DOK6: variants seen among roughly 807,000 people sequenced by gnomAD.
DOK6 encodes the protein downstream of tyrosine kinase 6.
In DOK6, 22 loss-of-function variants were observed where a neutral mutation model predicts 44.0. That is an observed-to-expected ratio of 0.50 (90% confidence interval 0.36 to 0.71). The LOEUF (loss-of-function observed/expected upper bound fraction) is 0.71. Among genes scored for constraint, DOK6 ranks in the 30% least tolerant of loss-of-function variants. DOK6 has a pLI of 0.00. For synonymous variants in DOK6, 166 were observed against 145.5 expected, an observed-to-expected ratio of 1.14 and a Z score of -1.01; for missense variants, 340 against 416.4, an observed-to-expected ratio of 0.82 and a Z score of 1.60.
At chr18:69,823,447 C>T (rs1219742064) in intron 7 of DOK6, among the ~76,000 whole-genome samples, 1 of 152,038 alleles carries the variant, frequency 6.6e-6, no homozygotes, top group African/African-American at 2.4e-5. Context: ...GGCGAGCATT[C>T]CTAGTAAAGA....
At chr18:69,452,075 A>C (rs1275121152) in intron 1 of DOK6, among the ~76,000 whole-genome samples, 1 of 151,804 alleles carries the variant, frequency 6.6e-6, no homozygotes, top group Admixed American at 6.6e-5. Flanking sequence ...AGCAGAACTG[A>C]AGGAAATAGA....
chr18:69,433,290 C>T (rs1204534617), intron 1 of DOK6, among the ~76,000 whole-genome samples: 2 of 152,028 alleles, frequency 1.3e-5, no homozygotes, highest in African/African-American at 2.4e-5. Context: ...CAATTTTCTT[C>T]CTGAATTTTT....
At chr18:69,476,280 G>A (rs746127450) in intron 1 of DOK6, among the ~76,000 whole-genome samples, 6 of 152,092 alleles carry the variant, frequency 3.9e-5, no homozygotes, top group Non-Finnish European at 7.4e-5. Flanking sequence ...TTTGTTTTCT[G>A]GGTATACAGA....
intron 3 of DOK6, among the ~76,000 whole-genome samples, chr18:69,629,379 G>A (rs982669535): frequency 5.3e-5 from 8 of 151,984 alleles, no homozygotes; most frequent in Admixed American, 4.6e-4. Context: ...ATACTCAATG[G>A]CCATGAATTA....
chr18:69,551,033 G>A (rs1322498395), intron 1 of DOK6, among the ~76,000 whole-genome samples: 2 of 151,492 alleles, frequency 1.3e-5, no homozygotes, highest in African/African-American at 4.8e-5. Context: ...TTTACAGGAA[G>A]TAACATTTAC....
Position 69,456,433 on chromosome 18 carries a change from G to C in DOK6, c.66+55123G>C, listed in dbSNP as rs545030597. 1.8e-4 allele frequency among the ~76,000 whole-genome samples: 28 copies of C among 152,156 alleles called. No homozygotes were observed. The South Asian group carries it at 3.9e-3, about 21-fold the overall frequency. Reference sequence around the variant, plus strand: ...TCCTGTGCCTCCATTAATTCTCTTAGGATAATGGCCTCCAGTTGCATCCAT... The same window carrying C: ...TCCTGTGCCTCCATTAATTCTCTTACGATAATGGCCTCCAGTTGCATCCAT... On this transcript the variant is annotated intron_variant, in intron 1 of 7. Coordinates refer to ENST00000382713, the MANE Select transcript of DOK6 (RefSeq NM_152721.6).
chr18:69,638,002 C>T (rs1371066413), intron 3 of DOK6, among the ~76,000 whole-genome samples: 1 of 152,104 alleles, frequency 6.6e-6, no homozygotes, highest in Non-Finnish European at 1.5e-5. Context: ...GCGTCGTACT[C>T]TAGGCCCACT....
In DOK6 at chr18:69,822,958, T is replaced by C. The variant is rs142742894; in HGVS notation, c.857-18286T>C. On this transcript the variant is annotated intron_variant, in intron 7 of 7. Transcript: ENST00000382713. ...TTATAGTATTTTTACATTTTTATTT[T>C]ATAAAGGATTGTCATTTCCCCATGT... Among the ~76,000 whole-genome samples, 70 of 152,328 alleles carry C rather than the reference T, an allele frequency of 4.6e-4. No individual in the cohort carries two copies. The East Asian group carries it at 0.01, about 22-fold the overall frequency.
intron 7 of DOK6, among the ~76,000 whole-genome samples, chr18:69,809,883 A>G (rs1981170333): frequency 6.6e-6 from 1 of 151,982 alleles, no homozygotes; most frequent in Non-Finnish European, 1.5e-5. Context: ...TGGAGGAATT[A>G]ATATTATTAA....
chr18:69,633,766 A>G (rs1825826559), intron 3 of DOK6, among the ~76,000 whole-genome samples: 1 of 152,176 alleles, frequency 6.6e-6, no homozygotes, highest in Non-Finnish European at 1.5e-5. Context: ...GGCAAAATAT[A>G]TGCTTAGTGG....
At chr18:69,584,132 A>AG (rs1462031804) in intron 2 of DOK6, among the ~76,000 whole-genome samples, 1 of 151,588 alleles carries the variant, frequency 6.6e-6, no homozygotes, top group Non-Finnish European at 1.5e-5. Flanking sequence ...AAAAAAGAAA[A>AG]GAAAAAAATA....
intron 7 of DOK6, among the ~76,000 whole-genome samples, chr18:69,792,243 G>C (rs1227424170): frequency 6.6e-6 from 1 of 151,878 alleles, no homozygotes; most frequent in Non-Finnish European, 1.5e-5. Context: ...TGTATCTTTT[G>C]TAGTTTTAAT....
intron 1 of DOK6, among the ~76,000 whole-genome samples, chr18:69,543,254 A>G (rs1982315830): frequency 6.6e-6 from 1 of 151,616 alleles, no homozygotes; most frequent in African/African-American, 2.4e-5. Flanking sequence ...GTGCCAGAAT[A>G]AATGGTGATT....
chr18:69,666,999 CT>C (rs1197741437), intron 3 of DOK6, among the ~76,000 whole-genome samples: 3 of 152,116 alleles, frequency 2.0e-5, no homozygotes, highest in Non-Finnish European at 4.4e-5. Flanking sequence ...AGGACCCCCC[CT>C]CCCCGCCATC....
Position 69,426,905 on chromosome 18 carries a change from G to A in DOK6, c.66+25595G>A, listed in dbSNP as rs1445501259. ...AGGTTTGTAACATAGGTGAACTTGT[G>A]TAATGGGGGCTTGTTTTACAGCTGA... On this transcript the variant is annotated intron_variant, in intron 1 of 7. Transcript: ENST00000382713. 1.3e-5 allele frequency among the ~76,000 whole-genome samples: 2 copies of A among 151,998 alleles called. 1 individual carries two copies. The highest frequency in any genetic ancestry group is 2.9e-5 in the Non-Finnish European group (2 of 68,008).
At chr18:69,473,526 G>A (rs1980175339) in intron 1 of DOK6, among the ~76,000 whole-genome samples, 1 of 152,150 alleles carries the variant, frequency 6.6e-6, no homozygotes, top group African/African-American at 2.4e-5. Flanking sequence ...TTCAGCCATT[G>A]AAGATCCCTA....
chr18:69,708,951 C>CTTT (rs1986697943), intron 5 of DOK6, among the ~76,000 whole-genome samples: 1 of 152,178 alleles, frequency 6.6e-6, no homozygotes, highest in Non-Finnish European at 1.5e-5. Context: ...AATCAACATT[C>CTTT]TTTCACGAAA....
intron 3 of DOK6, among the ~76,000 whole-genome samples, chr18:69,602,624 A>G (rs964574418): frequency 7.2e-5 from 11 of 152,372 alleles, no homozygotes; most frequent in Non-Finnish European, 1.0e-4. Context: ...CAAATGTACC[A>G]TACTAATGTA....
chr18:69,622,677 T>C (rs1306173680), intron 3 of DOK6, among the ~76,000 whole-genome samples: 1 of 152,176 alleles, frequency 6.6e-6, no homozygotes, highest in African/African-American at 2.4e-5. Flanking sequence ...ATAAAGAACT[T>C]GAAGGTATTG....
Sources: allele counts gnomAD v4.1 joint callset (sites outside exome capture counted in the v4.1 genomes callset), GRCh38; gene constraint gnomAD v4.1.1; transcripts MANE v1.5; gene names NCBI Gene and HGNC (gene_info 2026-07-23, HGNC 2026-07-21).